Variants in KCNIP4 observed in about 807,000 individuals in gnomAD.
KCNIP4 encodes the protein Kv channel-interacting protein 4.
KCNIP4 carries 12 observed loss-of-function variants against 34.0 expected under a neutral mutation model. The observed-to-expected ratio is 0.35, with a 90% CI of 0.23 to 0.57. KCNIP4 has a LOEUF of 0.57. KCNIP4 is among the 20% of genes least tolerant of loss of function. The probability of loss-of-function intolerance (pLI) is 0.83; values close to 1 mark genes in which losing one functional copy is unlikely to be tolerated. For synonymous variants in KCNIP4, 124 were observed against 102.2 expected (o/e 1.21, Z -1.29); for missense variants, 238 against 311.7 (o/e 0.76, Z 1.78).
intron 3 of KCNIP4, among the ~76,000 whole-genome samples, chr4:20,794,807 T>A (rs1713241754): frequency 6.6e-6 from 1 of 152,234 alleles, no homozygotes; most frequent in Non-Finnish European, 1.5e-5. Flanking sequence ...GAGCAGTCTT[T>A]ACATGATCTA....
chr4:20,803,334 G>A (rs961392719), intron 3 of KCNIP4, among the ~76,000 whole-genome samples: 12 of 151,524 alleles, frequency 7.9e-5, no homozygotes, highest in African/African-American at 2.2e-4. Context: ...AAATAGCCAC[G>A]TGCAGTGGCT....
intron 1 of KCNIP4, among the ~76,000 whole-genome samples, chr4:21,748,084 G>A (rs1279665762): frequency 6.6e-6 from 1 of 152,170 alleles, no homozygotes; most frequent in Non-Finnish European, 1.5e-5. Context: ...GGAGAACTGT[G>A]AGAGCATAAA....
intron 1 of KCNIP4, among the ~76,000 whole-genome samples, chr4:21,293,957 G>A (rs1228015401): frequency 2.0e-5 from 3 of 152,076 alleles, no homozygotes; most frequent in Non-Finnish European, 4.4e-5. Flanking sequence ...TTCTCCAGGT[G>A]GGCAGCCTGA....
intron 1 of KCNIP4, among the ~76,000 whole-genome samples, chr4:21,655,500 G>A (rs1747849598): frequency 1.3e-5 from 2 of 152,012 alleles, no homozygotes; most frequent in Admixed American, 1.3e-4. Context: ...TAAGAACATG[G>A]CTGTTTTAGA....
At chr4:21,551,111 A>G (rs1738544002) in intron 1 of KCNIP4, among the ~76,000 whole-genome samples, 1 of 152,170 alleles carries the variant, frequency 6.6e-6, no homozygotes, top group Non-Finnish European at 1.5e-5. Flanking sequence ...ATGGAGATAG[A>G]CGTAGATATA....
chr4:21,491,229 C>A lies in KCNIP4; in HGVS notation c.61+457342G>T, dbSNP rs545667580. 3.5e-4 allele frequency among the ~76,000 whole-genome samples: 54 copies of A among 152,120 alleles called. No homozygotes were observed. In the South Asian group the frequency reaches 9.8e-3, roughly 28 times the overall value. ...GGTTTCGTGAATAAATAAATGATGA[C>A]CAGTGGACTCTGGTGGAAGTTTCTG... On this transcript the variant is annotated intron_variant, in intron 1 of 8. Transcript: ENST00000382152.
intron 1 of KCNIP4, among the ~76,000 whole-genome samples, chr4:21,145,413 A>T (rs977164550): frequency 1.3e-5 from 2 of 152,174 alleles, no homozygotes; most frequent in South Asian, 4.1e-4. Context: ...CTAAATAAAA[A>T]CCTGAGGACA....
At chr4:20,953,267 T>A (rs1732968103) in intron 1 of KCNIP4, among the ~76,000 whole-genome samples, 1 of 152,220 alleles carries the variant, frequency 6.6e-6, no homozygotes. Flanking sequence ...TCAGAGTGGC[T>A]TCGTCACTGA....
chr4:21,105,400 C>G (rs1346619196), intron 1 of KCNIP4, among the ~76,000 whole-genome samples: 1 of 151,562 alleles, frequency 6.6e-6, no homozygotes, highest in Non-Finnish European at 1.5e-5. Flanking sequence ...CTCTGTTTGT[C>G]TGTTATTGGT....
intron 1 of KCNIP4, among the ~76,000 whole-genome samples, chr4:21,065,511 A>G (rs1744272944): frequency 6.6e-6 from 1 of 151,988 alleles, no homozygotes; most frequent in African/African-American, 2.4e-5. Context: ...AATTGCTTTA[A>G]TTCACTATTA....
At chr4:21,166,121 C>G (rs962281419) in intron 1 of KCNIP4, among the ~76,000 whole-genome samples, 35 of 152,126 alleles carry the variant, frequency 2.3e-4, no homozygotes, top group Non-Finnish European at 8.8e-5. Context: ...ATTACCCAGT[C>G]TAAGGTTTTT....
chr4:20,943,698 T>C (rs1464446878), intron 1 of KCNIP4, among the ~76,000 whole-genome samples: 1 of 152,118 alleles, frequency 6.6e-6, no homozygotes, highest in Non-Finnish European at 1.5e-5. Flanking sequence ...GTGTCTCTAA[T>C]AGTTTCCTCC....
At chr4:21,862,743 G>A (rs907014297) in intron 1 of KCNIP4, among the ~76,000 whole-genome samples, 2 of 152,200 alleles carry the variant, frequency 1.3e-5, no homozygotes, top group Non-Finnish European at 1.5e-5. Context: ...GGAGGCTGAG[G>A]TGGGCAGATC....
At chr4:20,823,386 T>C (rs570468675) in intron 3 of KCNIP4, among the ~76,000 whole-genome samples, 2 of 152,240 alleles carry the variant, frequency 1.3e-5, no homozygotes, top group East Asian at 3.9e-4. Context: ...TCAATAGCGT[T>C]GCTATTTATG....
chr4:20,731,656 TGATA>T (rs1448372076), intron 8 of KCNIP4: 39 of 985,148 alleles, frequency 4.0e-5, no homozygotes, highest in Non-Finnish European at 4.5e-5. Flanking sequence ...TGTGGAGATA[TGATA>T]GATAATATAT....
At chr4:21,617,776 G>T (rs113418792) in intron 1 of KCNIP4, among the ~76,000 whole-genome samples, 32 of 152,174 alleles carry the variant, frequency 2.1e-4, no homozygotes, top group African/African-American at 7.2e-4. Context: ...CCTTTTTATG[G>T]ATCTGGGCTG....
At chr4:21,850,411 G>A (rs13129819) in intron 1 of KCNIP4, 15,470 of 151,958 alleles carry the variant, frequency 0.1, 795 homozygotes, top group Middle Eastern at 0.14. Flanking sequence ...CTGGGTTAAT[G>A]GTTTAATGGG....
At chr4:21,658,149 T>A (rs1293648391) in intron 1 of KCNIP4, among the ~76,000 whole-genome samples, 2 of 152,128 alleles carry the variant, frequency 1.3e-5, no homozygotes, top group African/African-American at 2.4e-5. Flanking sequence ...AAATGTAATT[T>A]TATTTAAGAT....
chr4:21,354,062 T>G (rs2109384808), intron 1 of KCNIP4, among the ~76,000 whole-genome samples: 1 of 152,172 alleles, frequency 6.6e-6, no homozygotes, highest in African/African-American at 2.4e-5. Flanking sequence ...TTCATAAGTG[T>G]GGGAGAAACA....
Sources: allele counts gnomAD v4.1 joint callset (sites outside exome capture counted in the v4.1 genomes callset), GRCh38; gene constraint gnomAD v4.1.1; transcripts MANE v1.5; gene names NCBI Gene and HGNC (gene_info 2026-07-23, HGNC 2026-07-21).